The following SCAPER variants were observed in gnomAD, a reference collection of about 807,000 sequenced individuals.
SCAPER encodes S-phase cyclin A associated protein in the ER.
A neutral mutation model predicts 182.2 loss-of-function variants in SCAPER; 98 were observed. The observed-to-expected ratio is 0.54, with a 90% CI of 0.46 to 0.64. The LOEUF is 0.64. Ranked by LOEUF, SCAPER falls within the 30% of genes least tolerant of loss-of-function variation. The pLI, the probability that SCAPER is intolerant of heterozygous loss-of-function variation, is 0.00. For missense variants in SCAPER, 1,432 were observed against 1,690.0 expected, an observed-to-expected ratio of 0.85 and a Z score of 2.68; for synonymous variants, 605 against 564.6, an observed-to-expected ratio of 1.07 and a Z score of -1.01.
At chr15:76,425,881 C>T (rs906372317) in intron 26 of SCAPER, among the ~76,000 whole-genome samples, 1 of 152,230 alleles carries the variant, frequency 6.6e-6, no homozygotes, top group East Asian at 1.9e-4. Flanking sequence ...AGGTCCACTC[C>T]AGACCCTGTT....
chr15:76,718,274 C>T (rs982889992), intron 17 of SCAPER, among the ~76,000 whole-genome samples: 1 of 152,028 alleles, frequency 6.6e-6, no homozygotes, highest in African/African-American at 2.4e-5. Context: ...GCAGCAAAAG[C>T]AGTTGTAAGA....
At chr15:76,413,724 T>TG (rs2045458895) in intron 26 of SCAPER, among the ~76,000 whole-genome samples, 1 of 152,236 alleles carries the variant, frequency 6.6e-6, no homozygotes, top group African/African-American at 2.4e-5. Context: ...CCTAAGATTG[T>TG]GGGGGTTTCC....
In SCAPER at chr15:76,543,809, C is replaced by T. The variant is rs541794574; in HGVS notation, c.2838+30349G>A. On this transcript the variant is annotated intron_variant, in intron 23 of 31. Transcript: ENST00000563290. ...TGATTTCTTAGATATGACACCAAAA[C>T]CATCAGCAAGCAAAATGAAAAACAG... Among the ~76,000 whole-genome samples the T allele has an allele frequency of 2.6e-5, 4 of 152,232 alleles. No individual in the cohort carries two copies. The South Asian group carries it at 6.2e-4, about 24-fold the overall frequency.
At chr15:76,748,150 C>T (rs914178826) in intron 15 of SCAPER, among the ~76,000 whole-genome samples, 16 of 152,072 alleles carry the variant, frequency 1.1e-4, no homozygotes, top group South Asian at 4.1e-4. Context: ...GCCACCATGC[C>T]GCGCTAATTT....
At chr15:76,478,100 T>C (rs2143010572) in intron 24 of SCAPER, among the ~76,000 whole-genome samples, 1 of 152,132 alleles carries the variant, frequency 6.6e-6, no homozygotes, top group African/African-American at 2.4e-5. Context: ...TCTGGTGCTT[T>C]TATGAGCTTT....
chr15:76,368,133 CT>C (rs1394724438), intron 29 of SCAPER, among the ~76,000 whole-genome samples: 2 of 152,218 alleles, frequency 1.3e-5, no homozygotes, highest in Non-Finnish European at 2.9e-5. Context: ...ACAGAAAGTC[CT>C]TGAGTGCTGG....
Position 76,883,843 on chromosome 15 carries a change from A to T in SCAPER, c.-26T>A. 1 of 1,517,398 alleles carries T rather than the reference A, an allele frequency of 6.6e-7. No homozygotes were observed. Among genetic ancestry groups the T allele is most frequent in the South Asian group, 1.3e-5 (1 of 78,694 alleles). The allele number at this position is 1,517,398 out of a possible 1,614,324, so 94.0% of individuals were successfully genotyped here. A position where few individuals can be genotyped will look rare whatever the true frequency, so the allele number is the denominator to read the frequency against. ...TCTTTAAATTCTCTTCTATGCCAAGATCATTTATCACATAAACCCATGGAG... is the reference window on the plus strand; with the variant it reads ...TCTTTAAATTCTCTTCTATGCCAAGTTCATTTATCACATAAACCCATGGAG... On this transcript the variant is annotated 5_prime_UTR_variant, in exon 2 of 32. Transcript: ENST00000563290.
At chr15:76,705,097 A>G (rs573632145) in intron 18 of SCAPER, among the ~76,000 whole-genome samples, 5 of 152,226 alleles carry the variant, frequency 3.3e-5, no homozygotes, top group East Asian at 1.9e-4. Context: ...ACATGCACAC[A>G]TATGTTTATT....
chr15:76,362,265 G>A (rs1398946517), intron 29 of SCAPER, among the ~76,000 whole-genome samples: 1 of 151,932 alleles, frequency 6.6e-6, no homozygotes, highest in African/African-American at 2.4e-5. Context: ...GGGCCACCGC[G>A]CTCAGCCCAC....
At chr15:76,409,288 C>G (rs928392545) in intron 26 of SCAPER, among the ~76,000 whole-genome samples, 1 of 152,122 alleles carries the variant, frequency 6.6e-6, no homozygotes, top group African/African-American at 2.4e-5. Context: ...AATGTTGAGG[C>G]TATTACCACA....
intron 22 of SCAPER, among the ~76,000 whole-genome samples, chr15:76,593,949 G>A (rs1233383034): frequency 8.3e-6 from 1 of 120,958 alleles, no homozygotes; most frequent in African/African-American, 2.5e-5. Flanking sequence ...TTGCCAGCAA[G>A]GGAATAAAAC....
intron 14 of SCAPER, among the ~76,000 whole-genome samples, chr15:76,764,646 T>A (rs80145887): frequency 5.9e-5 from 9 of 152,338 alleles, no homozygotes; most frequent in Middle Eastern, 3.4e-3. Flanking sequence ...CTGATAGTCT[T>A]AGGCTCCAAA....
intron 5 of SCAPER, among the ~76,000 whole-genome samples, chr15:76,827,868 T>A (rs2068139864): frequency 6.6e-6 from 1 of 152,212 alleles, no homozygotes; most frequent in African/African-American, 2.4e-5. Context: ...ATCCCAGTGC[T>A]ATGGTTTGAA....
chr15:76,490,902 G>T (rs2052232819), intron 24 of SCAPER, among the ~76,000 whole-genome samples: 1 of 152,090 alleles, frequency 6.6e-6, no homozygotes, highest in Non-Finnish European at 1.5e-5. Context: ...TATCCTTCCT[G>T]TGTTGTGTAT....
At chr15:76,811,104 A>G (rs1320889907) in intron 5 of SCAPER, among the ~76,000 whole-genome samples, 2 of 148,762 alleles carry the variant, frequency 1.3e-5, no homozygotes, top group Admixed American at 6.7e-5. Flanking sequence ...CTCACTTTCA[A>G]TAATAGATAG....
At chr15:76,868,605 A>G (rs560280717) in intron 2 of SCAPER, among the ~76,000 whole-genome samples, 46 of 152,298 alleles carry the variant, frequency 3.0e-4, no homozygotes, top group African/African-American at 1.0e-3. Context: ...AGATCCAGAC[A>G]AGGAAAATTG....
At position 76,446,160 on chromosome 15, in the gene SCAPER, T is replaced by C. The variant is rs1324667235; in HGVS notation, c.3079-11850A>G. ...TATTCCTATATTCAGACAAGAAAAC[T>C]AGGGTTCAGAGAGGTTAAATCACAT... On this transcript the variant is annotated intron_variant, in intron 25 of 31. Transcript: ENST00000563290. Among the ~76,000 whole-genome samples the C allele has an allele frequency of 2.0e-5, 3 of 152,206 alleles. No homozygotes were observed. In the East Asian group the frequency reaches 5.8e-4, roughly 29 times the overall value.
At chr15:76,451,861 G>A (rs986364672) in intron 25 of SCAPER, among the ~76,000 whole-genome samples, 1 of 152,188 alleles carries the variant, frequency 6.6e-6, no homozygotes. Flanking sequence ...ACACTGGGAT[G>A]TAAGCTTAAA....
At chr15:76,349,728 A>C (rs1307624349) in intron 31 of SCAPER, 1 of 151,876 alleles carries the variant, frequency 6.6e-6, no homozygotes, top group Non-Finnish European at 1.5e-5. Context: ...AGCAAAGGAG[A>C]GACCAATTCC....
Sources: allele counts gnomAD v4.1 joint callset (sites outside exome capture counted in the v4.1 genomes callset), GRCh38; gene constraint gnomAD v4.1.1; transcripts MANE v1.5; gene names NCBI Gene and HGNC (gene_info 2026-07-23, HGNC 2026-07-21).